Variants in UBE2K observed in about 807,000 individuals in gnomAD.
UBE2K encodes ubiquitin-conjugating enzyme E2 K.
UBE2K carries 6 observed loss-of-function variants against 30.0 expected under a neutral mutation model. The ratio of observed to expected loss-of-function variants is 0.20; its 90% CI spans 0.11 to 0.39. UBE2K has a LOEUF of 0.39. UBE2K is among the 10% of genes least tolerant of loss of function. The pLI is 1.00. For missense variants in UBE2K, 61 were observed against 241.6 expected, an observed-to-expected ratio of 0.25 and a Z score of 4.96; for synonymous variants, 86 against 83.7, an observed-to-expected ratio of 1.03 and a Z score of -0.15.
chr4:39,735,667 C>A (rs1157726236), intron 1 of UBE2K, among the ~76,000 whole-genome samples: 2 of 152,184 alleles, frequency 1.3e-5, no homozygotes, highest in African/African-American at 4.8e-5. Flanking sequence ...AGGCATGAGC[C>A]ACCGCGCCCG....
intron 1 of UBE2K, among the ~76,000 whole-genome samples, chr4:39,730,065 C>A (rs1194847008): frequency 6.6e-6 from 1 of 152,170 alleles, no homozygotes; most frequent in Non-Finnish European, 1.5e-5. Context: ...ATTATACTAC[C>A]AATATCTGTT....
At chr4:39,712,088 G>T (rs1311236499) in intron 1 of UBE2K, among the ~76,000 whole-genome samples, 1 of 145,574 alleles carries the variant, frequency 6.9e-6, no homozygotes, top group Non-Finnish European at 1.5e-5. Flanking sequence ...AGGAAAAAAA[G>T]AGGAAGGGAA....
intron 4 of UBE2K, among the ~76,000 whole-genome samples, chr4:39,774,006 T>G (rs1203237189): frequency 6.6e-6 from 1 of 151,766 alleles, no homozygotes; most frequent in African/African-American, 2.4e-5. Context: ...TCTTAAGAAA[T>G]AGAAAAGCTG....
chr4:39,772,340 G>A (rs1014343116), intron 4 of UBE2K, among the ~76,000 whole-genome samples: 87 of 149,586 alleles, frequency 5.8e-4, no homozygotes, highest in African/African-American at 1.8e-3. Flanking sequence ...TGGGAGGACT[G>A]CTTGAGCTCA....
intron 4 of UBE2K, among the ~76,000 whole-genome samples, chr4:39,757,012 T>TTTG: frequency 2.1e-5 from 2 of 96,870 alleles, no homozygotes; most frequent in East Asian, 3.6e-4. Flanking sequence ...TTTTTTTTTG[T>TTTG]TTTTTGTTTT....
chr4:39,748,654 C>T (rs1033747166), intron 3 of UBE2K, among the ~76,000 whole-genome samples: 5 of 151,486 alleles, frequency 3.3e-5, no homozygotes, highest in African/African-American at 9.7e-5. Context: ...AAAGCCTCTA[C>T]ATCTCTAATT....
chr4:39,698,513 GAGGA>G (rs1249666941), intron 1 of UBE2K, 123 bp downstream of exon 1: 1 of 865,424 alleles, frequency 1.2e-6, no homozygotes, highest in African/African-American at 1.7e-5. Flanking sequence ...TTCTGCCTGT[GAGGA>G]AGCAGCAGTG....
intron 1 of UBE2K, among the ~76,000 whole-genome samples, chr4:39,708,270 A>G (rs148018083): frequency 5.9e-5 from 9 of 152,246 alleles, no homozygotes; most frequent in African/African-American, 2.2e-4. Context: ...GATTATTGAT[A>G]CAATTATTCA....
intron 1 of UBE2K, among the ~76,000 whole-genome samples, chr4:39,733,062 A>C (rs1158333606): frequency 6.6e-6 from 1 of 150,926 alleles, no homozygotes; most frequent in African/African-American, 2.4e-5. Flanking sequence ...AAAAAAAAAA[A>C]AAAAAAAAAA....
At chr4:39,703,673 C>T (rs2109302593) in intron 1 of UBE2K, among the ~76,000 whole-genome samples, 1 of 151,530 alleles carries the variant, frequency 6.6e-6, no homozygotes, top group African/African-American at 2.4e-5. Flanking sequence ...ATGATGAAAC[C>T]CCGTCTCTAC....
At chr4:39,734,776 A>C (rs1029481277) in intron 1 of UBE2K, among the ~76,000 whole-genome samples, 1 of 152,236 alleles carries the variant, frequency 6.6e-6, no homozygotes, top group African/African-American at 2.4e-5. Flanking sequence ...GCACTGCTGC[A>C]TTCCAGCCAG....
rs879776892 is a variant in UBE2K at position 39,714,546 on chromosome 4, A to ATTTTTTTT, written c.63+16157_63+16158insTTTTTTTT. 51 of 25,268 alleles carry ATTTTTTTT rather than the reference A, an allele frequency of 2.0e-3. 3 individuals are homozygous for ATTTTTTTT. The highest frequency in any genetic ancestry group is 4.7e-3 in the East Asian group (2 of 430). 1.6% of individuals were successfully genotyped at this position (25,268 alleles called of 1,614,324 possible). On this transcript the variant is annotated intron_variant, in intron 1 of 6. Transcript: ENST00000261427. ...TATATATATATATATATATATATATATATATTTTTTTTTTTTTTTAAGACT... is the reference window on the plus strand; with the variant it reads ...TATATATATATATATATATATATATATTTTTTTTTATATTTTTTTTTTTTTTTAAGACT...
Position 39,722,444 on chromosome 4 carries a change from T to TA in UBE2K, c.64-14975dup, listed in dbSNP as rs577357848. On this transcript the variant is annotated intron_variant, in intron 1 of 6. Transcript: ENST00000261427. ...TTAATCATTTGATTAAGGTGGGAAC[T>TA]ACAAGATTTCTTTGTAAAGGTACAT... 2.6e-4 allele frequency among the ~76,000 whole-genome samples: 39 copies of TA among 152,326 alleles called. No individual in the cohort carries two copies. In the South Asian group the frequency reaches 7.9e-3, roughly 31 times the overall value.
chr4:39,757,004 T>TTTTTTG (rs1721553997), intron 4 of UBE2K, among the ~76,000 whole-genome samples: 4 of 137,830 alleles, frequency 2.9e-5, no homozygotes, highest in South Asian at 2.4e-4. Flanking sequence ...TTGGGTGTTT[T>TTTTTTG]TTTTTTGTTT....
intron 2 of UBE2K, among the ~76,000 whole-genome samples, chr4:39,743,393 G>C (rs1287368485): frequency 6.6e-6 from 1 of 152,158 alleles, no homozygotes; most frequent in Non-Finnish European, 1.5e-5. Flanking sequence ...CACAAGGTCA[G>C]GAGATTGAGA....
At chr4:39,768,998 G>T (rs1336388925) in intron 4 of UBE2K, among the ~76,000 whole-genome samples, 1 of 152,022 alleles carries the variant, frequency 6.6e-6, no homozygotes, top group African/African-American at 2.4e-5. Context: ...GAAAATTTTT[G>T]TGTATTTAGT....
At chr4:39,716,923 G>A (rs576702676) in intron 1 of UBE2K, among the ~76,000 whole-genome samples, 15 of 151,134 alleles carry the variant, frequency 9.9e-5, no homozygotes, top group Non-Finnish European at 2.2e-4. Context: ...ACTTGAACCC[G>A]GGAGGCGGAG....
chr4:39,714,518 A>ATCTATATATATATATATT (rs1491343777), intron 1 of UBE2K: 12 of 38,520 alleles, frequency 3.1e-4, no homozygotes, highest in African/African-American at 1.9e-3. Context: ...TAGAAGTTTC[A>ATCTATATATATATATATT]TATATATATA....
rs1278381496 is a variant in UBE2K at position 39,780,344 on chromosome 4, G to A, written c.*1910G>A. On this transcript the variant is annotated 3_prime_UTR_variant, in exon 7 of 7. Transcript: ENST00000261427. ...GGAGGGCAACTTGGTAGTATTAGTA[G>A]AATTTGGGTTTAAAAATATCAGACA... 6.6e-6 allele frequency: 1 copy of A among 152,096 alleles called. No homozygotes were observed. The highest frequency in any genetic ancestry group is 1.9e-4 in the East Asian group (1 of 5,200). 9.4% of individuals were successfully genotyped at this position (152,096 alleles called of 1,614,324 possible).
Sources: allele counts gnomAD v4.1 joint callset (sites outside exome capture counted in the v4.1 genomes callset), GRCh38; gene constraint gnomAD v4.1.1; transcripts MANE v1.5; gene names NCBI Gene and HGNC (gene_info 2026-07-23, HGNC 2026-07-21).